Variants in TTC39C observed in about 807,000 individuals in gnomAD.
The protein encoded by TTC39C is tetratricopeptide repeat domain 39C.
A neutral mutation model predicts 76.3 loss-of-function variants in TTC39C; 33 were observed. That is an observed-to-expected ratio of 0.43 (90% CI 0.33 to 0.58). The LOEUF is 0.58. Among genes scored for constraint, TTC39C ranks in the 20% least tolerant of loss-of-function variants. The pLI is 0.04. For missense variants in TTC39C, 595 were observed against 701.4 expected, an observed-to-expected ratio of 0.85 and a Z score of 1.71; for synonymous variants, 254 against 260.6, an observed-to-expected ratio of 0.97 and a Z score of 0.24.
intron 1 of TTC39C, among the ~76,000 whole-genome samples, chr18:24,020,786 G>A (rs1279588082): frequency 1.3e-5 from 2 of 152,096 alleles, no homozygotes; most frequent in South Asian, 2.1e-4. Context: ...TGTGGAATTC[G>A]CGGATACTGA....
chr18:24,088,160 T>C (rs1411373006), intron 6 of TTC39C, among the ~76,000 whole-genome samples: 9 of 152,242 alleles, frequency 5.9e-5, no homozygotes, highest in Admixed American at 5.9e-4. Context: ...CCAAATCAGC[T>C]ATTTAAATTC....
At chr18:24,035,188 G>A (rs867813685) in intron 1 of TTC39C, among the ~76,000 whole-genome samples, 4 of 151,940 alleles carry the variant, frequency 2.6e-5, no homozygotes, top group Non-Finnish European at 4.4e-5. Context: ...CTACATTCAC[G>A]TGCCATCAAG....
At chr18:24,071,522 A>G (rs2084241396) in intron 4 of TTC39C, among the ~76,000 whole-genome samples, 1 of 152,128 alleles carries the variant, frequency 6.6e-6, no homozygotes, top group African/African-American at 2.4e-5. Flanking sequence ...TCTACTTTAT[A>G]TTTCTCTAAT....
chr18:24,023,555 C>G (rs562413997), intron 1 of TTC39C, among the ~76,000 whole-genome samples: 35 of 152,270 alleles, frequency 2.3e-4, no homozygotes, highest in African/African-American at 8.2e-4. Context: ...AGGAGGCCAG[C>G]CCAACTGGTG....
intron 4 of TTC39C, among the ~76,000 whole-genome samples, chr18:24,078,221 T>C (rs916875534): frequency 5.9e-5 from 9 of 152,164 alleles, no homozygotes; most frequent in African/African-American, 2.2e-4. Flanking sequence ...CACCCAGAAG[T>C]TGTAGGATAG....
intron 1 of TTC39C, among the ~76,000 whole-genome samples, chr18:24,044,082 GTGTGTGTGTT>G (rs1469170973): frequency 1.3e-5 from 2 of 148,890 alleles, no homozygotes; most frequent in South Asian, 2.1e-4. Context: ...GTGTGTGTGT[GTGTGTGTGTT>G]TAATAACCAG....
intron 7 of TTC39C, among the ~76,000 whole-genome samples, chr18:24,116,076 G>A (rs1284605787): frequency 6.6e-6 from 1 of 152,214 alleles, no homozygotes; most frequent in Admixed American, 6.5e-5. Context: ...GCTTGAGTTG[G>A]TACTTTTTCC....
chr18:24,015,264 G>C (rs944089993), intron 1 of TTC39C: 1 of 413,742 alleles, frequency 2.4e-6, no homozygotes, highest in African/African-American at 2.1e-5. Flanking sequence ...CCCGGGACCC[G>C]CCGCGCGCCC....
intron 1 of TTC39C, among the ~76,000 whole-genome samples, chr18:24,003,810 C>T (rs1226664100): frequency 6.6e-6 from 1 of 152,212 alleles, no homozygotes; most frequent in Non-Finnish European, 1.5e-5. Flanking sequence ...TACAGTGATA[C>T]AATCATACCT....
At chr18:24,097,149 C>T (rs2084599375) in intron 6 of TTC39C, among the ~76,000 whole-genome samples, 1 of 152,194 alleles carries the variant, frequency 6.6e-6, no homozygotes, top group African/African-American at 2.4e-5. Flanking sequence ...TGTTTTGCTG[C>T]TAAACCTTTG....
chr18:24,029,571 T>C (rs1272095124), intron 1 of TTC39C, among the ~76,000 whole-genome samples: 10 of 152,218 alleles, frequency 6.6e-5, no homozygotes, highest in Admixed American at 6.5e-4. Context: ...ATAAGTTATT[T>C]AGTGGTGATT....
chr18:24,128,395 CTCTT>C (rs1188849348), intron 10 of TTC39C, among the ~76,000 whole-genome samples: 15 of 150,002 alleles, frequency 1.0e-4, no homozygotes, highest in East Asian at 3.9e-4. Context: ...CTTCAGTTCT[CTCTT>C]TCTATCTATA....
intron 1 of TTC39C, among the ~76,000 whole-genome samples, chr18:23,993,202 A>T: frequency 6.6e-6 from 1 of 152,262 alleles, no homozygotes; most frequent in East Asian, 1.9e-4. Flanking sequence ...GAAATAGACA[A>T]GACATATAAT....
At chr18:24,019,306 G>T (rs1263765228) in intron 1 of TTC39C, among the ~76,000 whole-genome samples, 1 of 152,124 alleles carries the variant, frequency 6.6e-6, no homozygotes, top group Non-Finnish European at 1.5e-5. Flanking sequence ...CTCTGCCAGG[G>T]CTACTACCAG....
At chr18:24,132,374 G>C in intron 13 of TTC39C, 111 bp from the exon 14 acceptor site, 1 of 748,958 alleles carries the variant, frequency 1.3e-6, no homozygotes, top group Non-Finnish European at 2.1e-6. Context: ...CCTTTACTGG[G>C]AGTGTAGAGA....
intron 1 of TTC39C, among the ~76,000 whole-genome samples, chr18:24,023,753 A>C (rs1041656259): frequency 1.3e-5 from 2 of 151,570 alleles, no homozygotes; most frequent in African/African-American, 4.9e-5. Flanking sequence ...GGTGGCTAGG[A>C]GGGGAAGCTT....
intron 6 of TTC39C, among the ~76,000 whole-genome samples, chr18:24,100,796 GGT>G: frequency 6.6e-6 from 1 of 152,296 alleles, no homozygotes; most frequent in South Asian, 2.1e-4. Context: ...GACCTTCTCT[GGT>G]GTTCTTTTTA....
At chr18:24,122,519 AAG>A (rs2084982097) in intron 8 of TTC39C, among the ~76,000 whole-genome samples, 1 of 150,830 alleles carries the variant, frequency 6.6e-6, no homozygotes, top group Non-Finnish European at 1.5e-5. Context: ...AAAAAAAAAA[AAG>A]AAGAGGGAAC....
intron 1 of TTC39C, among the ~76,000 whole-genome samples, chr18:24,063,473 T>A (rs1375636257): frequency 6.6e-6 from 1 of 152,116 alleles, no homozygotes; most frequent in African/African-American, 2.4e-5. Context: ...AATAACTGTC[T>A]TTCTTTGGCC....
Sources: allele counts gnomAD v4.1 joint callset (sites outside exome capture counted in the v4.1 genomes callset), GRCh38; gene constraint gnomAD v4.1.1; transcripts MANE v1.5; gene names NCBI Gene and HGNC (gene_info 2026-07-23, HGNC 2026-07-21).